PRPF39: variants seen among roughly 807,000 people sequenced by gnomAD.
PRPF39 encodes pre-mRNA processing factor 39.
In PRPF39, 27 loss-of-function variants were observed where a neutral mutation model predicts 82.1. That is an observed-to-expected ratio of 0.33 (90% confidence interval 0.24 to 0.45). The LOEUF is 0.45. PRPF39 is among the 20% of genes least tolerant of loss of function. The pLI, the probability that PRPF39 is intolerant of heterozygous loss-of-function variation, is 1.00. For missense variants in PRPF39, 581 were observed against 796.9 expected (o/e 0.73, Z 3.26); for synonymous variants, 261 against 256.4 (o/e 1.02, Z -0.17).
intron 4 of PRPF39, among the ~76,000 whole-genome samples, chr14:45,099,747 A>G (rs1254000885): frequency 6.6e-6 from 1 of 152,162 alleles, no homozygotes; most frequent in African/African-American, 2.4e-5. Context: ...CCCGGCCCAG[A>G]TTCTTAATAT....
At chr14:45,096,576 C>T (rs944230277) in intron 3 of PRPF39, 1 of 1,440,812 alleles carries the variant, frequency 6.9e-7, no homozygotes, top group African/African-American at 1.4e-5. Flanking sequence ...TTTGCTACGT[C>T]TTATTGCATT....
chr14:45,107,518 C>T lies in PRPF39; in HGVS notation c.805C>T (p.Arg269Ter), dbSNP rs899571816. ...AACTGGTGAACAGTTTATTCAGTTG[C>T]GAAGGGAATTAGCTTCTGTAAATGG... ...LLTGEQFIQL[R>*]RELASVNGHS... The change falls in exon 6 of 14, where the codon CGA becomes TGA. Residue 269 changes from arginine (R) to a stop codon, truncating the protein, a stop_gained. Transcript: ENST00000355765. LOFTEE classifies it high-confidence loss of function. The T allele has an allele frequency of 3.2e-6, 5 of 1,562,330 alleles. No homozygotes were observed. Among genetic ancestry groups the T allele is most frequent in the Non-Finnish European group, 4.3e-6 (5 of 1,150,874 alleles).
At chr14:45,084,385 C>T (rs1249302107) in intron 1 of PRPF39, 136 bp downstream of exon 1, 1 of 152,630 alleles carries the variant, frequency 6.6e-6, no homozygotes, top group Non-Finnish European at 1.5e-5. Flanking sequence ...GGCTCGGATT[C>T]AGCGCTCAGC....
chr14:45,087,377 G>A (rs898040947), intron 1 of PRPF39, among the ~76,000 whole-genome samples: 1 of 152,122 alleles, frequency 6.6e-6, no homozygotes, highest in Non-Finnish European at 1.5e-5. Flanking sequence ...GGGATTACAG[G>A]TTTGAGCCAC....
intron 4 of PRPF39, among the ~76,000 whole-genome samples, chr14:45,098,761 G>T (rs1349586993): frequency 6.6e-6 from 1 of 152,136 alleles, no homozygotes; most frequent in African/African-American, 2.4e-5. Flanking sequence ...TGCTGTACAA[G>T]AGTTGTCTTG....
At chr14:45,092,405 A>G (rs534887185) in intron 1 of PRPF39, among the ~76,000 whole-genome samples, 1 of 152,062 alleles carries the variant, frequency 6.6e-6, no homozygotes, top group African/African-American at 2.4e-5. Flanking sequence ...GATCAAGACC[A>G]TTCTGGCCAA....
At chr14:45,107,744 C>A in intron 6 of PRPF39, 128 bp downstream of exon 6, 1 of 857,630 alleles carries the variant, frequency 1.2e-6, no homozygotes, top group Non-Finnish European at 1.8e-6. Context: ...ATGTAGGCAA[C>A]ATGGTGAAAC....
Position 45,112,507 on chromosome 14 carries a change from G to GATTA in PRPF39, c.1757+7_1757+8insTAAT. 6.8e-7 allele frequency: 1 copy of GATTA among 1,475,438 alleles called. No individual in the cohort carries two copies. The highest frequency in any genetic ancestry group is 8.9e-7 in the Non-Finnish European group (1 of 1,119,722). The allele number at this position is 1,475,438 out of a possible 1,614,324, so 91.4% of individuals were successfully genotyped here. On this transcript the variant is annotated splice_donor_region_variant and intron_variant, in intron 11 of 13. Coordinates refer to ENST00000355765, the MANE Select transcript of PRPF39 (RefSeq NM_017922.4). ...TTTTGGTTCCGATGTTAATAAGTAA[G>GATTA]ATATTAGTTATATTACCTATTTGAA...
chr14:45,109,927 G>T, intron 8 of PRPF39, 147 bp downstream of exon 8: 13 of 1,522,960 alleles, frequency 8.5e-6, no homozygotes, highest in Non-Finnish European at 1.1e-5. Flanking sequence ...TTTGACTGCT[G>T]CATATGCCAA....
At chr14:45,095,190 A>G (rs772348730) in intron 1 of PRPF39, 31 bp from the exon 2 acceptor site, 3 of 1,388,812 alleles carry the variant, frequency 2.2e-6, no homozygotes, top group Admixed American at 2.2e-5. Context: ...GGCATTTGGA[A>G]GATATTTCTC....
chr14:45,098,861 T>C (rs59073313), intron 4 of PRPF39, among the ~76,000 whole-genome samples: 8,312 of 152,292 alleles, frequency 0.055, 551 homozygotes, highest in African/African-American at 0.16. Context: ...CTTGATTTCA[T>C]GTCCAACTTT....
intron 11 of PRPF39, among the ~76,000 whole-genome samples, chr14:45,113,669 C>T (rs1256872572): frequency 6.6e-6 from 1 of 152,174 alleles, no homozygotes; most frequent in East Asian, 1.9e-4. Flanking sequence ...GTCTCTCGAT[C>T]AGAATGGATT....
At chr14:45,109,476 T>A in intron 7 of PRPF39, 140 bp from the exon 8 acceptor site, 3 of 698,514 alleles carry the variant, frequency 4.3e-6, no homozygotes, top group Non-Finnish European at 4.1e-6. Flanking sequence ...GGGTTAATTT[T>A]AAAAGTTTTT....
intron 5 of PRPF39, among the ~76,000 whole-genome samples, chr14:45,105,525 CTTTTT>C (rs201816309): frequency 1.5e-5 from 2 of 133,446 alleles, no homozygotes; most frequent in Admixed American, 7.6e-5. Context: ...TATTTATATA[CTTTTT>C]TTTTTTTTTT....
intron 7 of PRPF39, 149 bp downstream of exon 7, chr14:45,108,671 A>G (rs1884612061): frequency 1.7e-5 from 20 of 1,169,650 alleles, no homozygotes; most frequent in Non-Finnish European, 2.0e-5. Flanking sequence ...TATTGTAATC[A>G]TTATCAGTTT....
chr14:45,105,640 C>T (rs1011667350), intron 5 of PRPF39, among the ~76,000 whole-genome samples: 1 of 151,350 alleles, frequency 6.6e-6, no homozygotes, highest in African/African-American at 2.4e-5. Flanking sequence ...GATTCTCCTG[C>T]CTCAGCCTCC....
At position 45,096,984 on chromosome 14, in the gene PRPF39, A is replaced by G; in HGVS notation, c.548A>G (p.Glu183Gly). Reference sequence around the variant, plus strand: ...GAAACATTGGACCCTGGTGATCCTGAGACAAACAATACAATAAGAGGGTAT... The same window carrying G: ...GAAACATTGGACCCTGGTGATCCTGGGACAAACAATACAATAAGAGGGTAT... ...LKETLDPGDP[E>G]TNNTIRGTFE... Residue 183 changes from glutamate (E) to glycine (G), a missense_variant, in exon 4 of 14, where the codon GAG (glutamate) becomes GGG (glycine). Coordinates refer to ENST00000355765, the MANE Select transcript of PRPF39 (RefSeq NM_017922.4). 2 of 1,547,682 alleles carry G rather than the reference A, an allele frequency of 1.3e-6. No individual in the cohort carries two copies. Among genetic ancestry groups the G allele is most frequent in the Non-Finnish European group, 1.7e-6 (2 of 1,146,524 alleles).
Position 45,107,436 on chromosome 14 carries a change from A to G in PRPF39, c.738-15A>G. 6.8e-7 allele frequency: 1 copy of G among 1,474,608 alleles called. No individual in the cohort carries two copies. The highest frequency in any genetic ancestry group is 1.2e-5 in the South Asian group (1 of 81,222). 91.3% of individuals were successfully genotyped at this position (1,474,608 alleles called of 1,614,324 possible). A position where few individuals can be genotyped will look rare whatever the true frequency, so the allele number is the denominator to read the frequency against. ...TTATGATTCAAATACATATATTTTT[A>G]TTGTCTTCCTTTAGATTTAAAGAAC... On this transcript the variant is annotated splice_polypyrimidine_tract_variant and intron_variant, in intron 5 of 13. Coordinates refer to ENST00000355765, the MANE Select transcript of PRPF39 (RefSeq NM_017922.4).
At position 45,110,805 on chromosome 14, in the gene PRPF39, C is replaced by A. The variant is rs756380947; in HGVS notation, c.1560C>A (p.Ile520=). 6.4e-7 allele frequency: 1 copy of A among 1,550,486 alleles called. No individual in the cohort carries two copies. Among genetic ancestry groups the A allele is most frequent in the Non-Finnish European group, 8.7e-7 (1 of 1,146,210 alleles). ...PKSRKVLLEA[I]ERDKENTKLY... Reference sequence around the variant, plus strand: ...CAAGAAAGGTGCTTTTGGAAGCAATCGAAAGAGACAAAGTATGCATTTGTA... The same window carrying A: ...CAAGAAAGGTGCTTTTGGAAGCAATAGAAAGAGACAAAGTATGCATTTGTA... The change falls in exon 10 of 14, where the codon ATC becomes ATA. Residue 520 remains isoleucine, a synonymous_variant. Transcript: ENST00000355765. The surrounding 1 kb of genome is among the most constrained non-coding windows in gnomAD (Gnocchi z 4.0).
Sources: allele counts gnomAD v4.1 joint callset (sites outside exome capture counted in the v4.1 genomes callset), GRCh38; gene constraint gnomAD v4.1.1; non-coding constraint Gnocchi (gnomAD v3.1); transcripts MANE v1.5; gene names NCBI Gene and HGNC (gene_info 2026-07-23, HGNC 2026-07-21).